Variants in PCED1B observed in about 807,000 individuals in gnomAD.
PCED1B encodes the protein PC-esterase domain-containing protein 1B.
For missense variants in PCED1B, 573 were observed against 573.9 expected (o/e 1.00, Z 0.02); for synonymous variants, 251 against 246.1 (o/e 1.02, Z -0.19).
At chr12:47,212,829 A>G (rs1341318965) in intron 2 of PCED1B, among the ~76,000 whole-genome samples, 1 of 152,254 alleles carries the variant, frequency 6.6e-6, no homozygotes, top group Non-Finnish European at 1.5e-5. Context: ...GAAGTGGGCC[A>G]GAGGAGTTGA....
intron 2 of PCED1B, among the ~76,000 whole-genome samples, chr12:47,172,340 C>CTTTTTTTTTTTTTTTTTTTTTTTT (rs34230051): frequency 1.3e-5 from 1 of 78,336 alleles, no homozygotes; most frequent in African/African-American, 4.8e-5. Context: ...TCGTGGGTTG[C>CTTTTTTTTTTTTTTTTTTTTTTTT]TTTTTTTTTT....
intron 2 of PCED1B, among the ~76,000 whole-genome samples, chr12:47,190,082 A>C (rs1221382620): frequency 6.6e-6 from 1 of 152,240 alleles, no homozygotes; most frequent in Non-Finnish European, 1.5e-5. Flanking sequence ...TATAAATTCT[A>C]CACAGAAGAA....
At position 47,236,031 on chromosome 12, in the gene PCED1B, C is replaced by G. The variant is rs756403397; in HGVS notation, c.968C>G (p.Pro323Arg). The stretch of plus-strand genomic sequence containing the variant: ...CTCCTGTCCCCACAGCCTCCTCCTC[C>G]CATTCTCCATCACCAGGGAATGCCC... The part of the protein sequence containing the change: ...LPLLSPQPPP[P>R]ILHHQGMPRF... The change falls in exon 4 of 4, where the codon CCC becomes CGC. Residue 323 changes from proline (P) to arginine (R), a missense_variant. Physicochemically the swap from Pro to Arg is moderately radical, Grantham distance 103 (BLOSUM62 -2). Transcript: ENST00000546455. The G allele has an allele frequency of 2.5e-6, 4 of 1,614,034 alleles. No individual in the cohort carries two copies. The highest frequency in any genetic ancestry group is 3.4e-6 in the Non-Finnish European group (4 of 1,179,974).
At position 47,235,777 on chromosome 12, in the gene PCED1B, C is replaced by T; in HGVS notation, c.714C>T (p.Arg238=). The change falls in exon 4 of 4, where the codon CGC becomes CGT. Residue 238 remains arginine (R), a synonymous_variant. Coordinates refer to ENST00000546455, the MANE Select transcript of PCED1B (RefSeq NM_138371.3). ...DGVHWNGRVH[R]CLSQLLLAHV... ...TGCACTGGAATGGACGTGTGCACCG[C>T]TGCCTCTCCCAGCTGCTGCTGGCCC... 1 of 1,588,780 alleles carries T rather than the reference C, an allele frequency of 6.3e-7. No homozygotes were observed. Among genetic ancestry groups the T allele is most frequent in the Non-Finnish European group, 8.6e-7 (1 of 1,167,802 alleles).
At chr12:47,188,136 C>A (rs114268470) in intron 2 of PCED1B, among the ~76,000 whole-genome samples, 1,805 of 152,232 alleles carry the variant, frequency 0.012, 30 homozygotes, top group African/African-American at 0.041. Context: ...TTAAAAATTA[C>A]ATGTCTTATC....
intron 2 of PCED1B, among the ~76,000 whole-genome samples, chr12:47,182,888 CA>C (rs1415572655): frequency 6.6e-6 from 1 of 152,084 alleles, no homozygotes; most frequent in Non-Finnish European, 1.5e-5. Flanking sequence ...GACATATAAA[CA>C]AACAATATTT....
intron 2 of PCED1B, among the ~76,000 whole-genome samples, chr12:47,186,863 A>C (rs1017110782): frequency 2.6e-5 from 4 of 152,166 alleles, no homozygotes; most frequent in African/African-American, 9.7e-5. Context: ...GGATATCTCC[A>C]GCTGATTTCT....
At chr12:47,194,719 G>A (rs763478992) in intron 2 of PCED1B, among the ~76,000 whole-genome samples, 2 of 152,142 alleles carry the variant, frequency 1.3e-5, no homozygotes, top group African/African-American at 2.4e-5. Context: ...AGGTCATACC[G>A]GTCGGAGTTC....
At chr12:47,080,957 G>T (rs1036266710) in intron 1 of PCED1B, among the ~76,000 whole-genome samples, 7 of 152,138 alleles carry the variant, frequency 4.6e-5, no homozygotes, top group Non-Finnish European at 1.0e-4. Flanking sequence ...CATCCCTTCC[G>T]GAGATGCCGC....
chr12:47,222,307 A>G (rs1026074404), intron 3 of PCED1B, among the ~76,000 whole-genome samples: 3 of 151,130 alleles, frequency 2.0e-5, no homozygotes, highest in Non-Finnish European at 4.4e-5. Flanking sequence ...CTGTAATTCC[A>G]GCTACTTGGG....
At chr12:47,208,100 G>A (rs1010281816) in intron 2 of PCED1B, among the ~76,000 whole-genome samples, 15 of 151,988 alleles carry the variant, frequency 9.9e-5, no homozygotes, top group African/African-American at 3.4e-4. Context: ...GCTATAAGAA[G>A]TTTTCCCAGG....
chr12:47,116,183 G>A (rs1939411112), intron 2 of PCED1B, among the ~76,000 whole-genome samples: 1 of 152,116 alleles, frequency 6.6e-6, no homozygotes, highest in South Asian at 2.1e-4. Flanking sequence ...GTAATTGGAA[G>A]GCAAATACAA....
intron 2 of PCED1B, among the ~76,000 whole-genome samples, chr12:47,136,547 A>G (rs1940380827): frequency 6.6e-6 from 1 of 152,212 alleles, no homozygotes; most frequent in Non-Finnish European, 1.5e-5. Flanking sequence ...GCCTTTATGC[A>G]CTGCACAAAA....
chr12:47,095,534 T>C (rs1323220467), intron 1 of PCED1B, among the ~76,000 whole-genome samples: 1 of 152,148 alleles, frequency 6.6e-6, no homozygotes, highest in East Asian at 1.9e-4. Context: ...GGAACTCCAA[T>C]TATATATATG....
At chr12:47,232,645 T>C (rs562762971) in intron 3 of PCED1B, among the ~76,000 whole-genome samples, 1 of 145,804 alleles carries the variant, frequency 6.9e-6, no homozygotes, top group African/African-American at 2.5e-5. Flanking sequence ...AGCAGTATTT[T>C]AGTGTTTCTA....
intron 2 of PCED1B, among the ~76,000 whole-genome samples, chr12:47,106,018 G>C (rs1464734863): frequency 6.6e-6 from 1 of 152,080 alleles, no homozygotes; most frequent in Non-Finnish European, 1.5e-5. Flanking sequence ...ATCTGGAGGA[G>C]AACTTCAATA....
intron 1 of PCED1B, among the ~76,000 whole-genome samples, chr12:47,098,970 T>C (rs1441927252): frequency 6.6e-6 from 1 of 152,178 alleles, no homozygotes; most frequent in Non-Finnish European, 1.5e-5. Flanking sequence ...GTTGGCTTAA[T>C]CTTTACAGTT....
intron 2 of PCED1B, among the ~76,000 whole-genome samples, chr12:47,171,181 C>T (rs1457136016): frequency 1.3e-5 from 2 of 150,768 alleles, no homozygotes; most frequent in Non-Finnish European, 2.9e-5. Flanking sequence ...GATTGCTCTG[C>T]CTCAGCCTCC....
At chr12:47,131,774 T>C (rs1940139922) in intron 2 of PCED1B, among the ~76,000 whole-genome samples, 6 of 149,958 alleles carry the variant, frequency 4.0e-5, no homozygotes. Context: ...GTTCAAGCAA[T>C]TCCCCTGCCT....
Sources: allele counts gnomAD v4.1 joint callset (sites outside exome capture counted in the v4.1 genomes callset), GRCh38; gene constraint gnomAD v4.1.1; transcripts MANE v1.5; gene names NCBI Gene and HGNC (gene_info 2026-07-23, HGNC 2026-07-21).